The following PITPNB variants were observed in gnomAD, a reference collection of about 807,000 sequenced individuals.
PITPNB encodes phosphatidylinositol transfer protein beta isoform.
A neutral mutation model predicts 45.9 loss-of-function variants in PITPNB; 16 were observed. The ratio of observed to expected loss-of-function variants is 0.35; its 90% CI spans 0.24 to 0.53. The LOEUF (loss-of-function observed/expected upper bound fraction) is 0.53, where lower values mean the gene tolerates loss of function less well. Ranked by LOEUF, PITPNB falls within the 20% of genes least tolerant of loss-of-function variation. PITPNB has a pLI of 0.93. For missense variants in PITPNB, 188 were observed against 330.5 expected, an observed-to-expected ratio of 0.57 and a Z score of 3.34; for synonymous variants, 112 against 108.9, an observed-to-expected ratio of 1.03 and a Z score of -0.18.
At chr22:27,884,522 A>T (rs1601402625) in intron 7 of PITPNB, among the ~76,000 whole-genome samples, 1 of 152,224 alleles carries the variant, frequency 6.6e-6, no homozygotes. Flanking sequence ...AATATGGCAC[A>T]CGAGTTTCTA....
At chr22:27,912,442 C>T (rs915595384) in intron 2 of PITPNB, among the ~76,000 whole-genome samples, 1 of 152,032 alleles carries the variant, frequency 6.6e-6, no homozygotes, top group Non-Finnish European at 1.5e-5. Context: ...CCTTAAATAC[C>T]TTCAACATGT....
In PITPNB at chr22:27,889,631, C is replaced by G. The variant is rs181859046; in HGVS notation, c.456+4924G>C. Among the ~76,000 whole-genome samples the G allele has an allele frequency of 5.9e-5, 9 of 152,310 alleles. No individual in the cohort carries two copies. The East Asian group carries it at 1.7e-3, about 29-fold the overall frequency. On this transcript the variant is annotated intron_variant, in intron 7 of 11. Transcript: ENST00000335272. ...ATCTGTTCTCTTCTCTGAAATCCTA[C>G]AGCACTTTGGACCACGCTGTAAGCC...
intron 8 of PITPNB, among the ~76,000 whole-genome samples, chr22:27,870,060 G>C (rs988372505): frequency 2.0e-5 from 3 of 152,188 alleles, no homozygotes; most frequent in African/African-American, 7.2e-5. Flanking sequence ...CGGTGATCTA[G>C]GAGTCACTGG....
chr22:27,862,832 C>T (rs1178066236), intron 8 of PITPNB, among the ~76,000 whole-genome samples: 2 of 152,162 alleles, frequency 1.3e-5, no homozygotes, highest in East Asian at 1.9e-4. Context: ...ATTCTCACCC[C>T]GGAAACATCC....
At chr22:27,864,704 G>A (rs925994510) in intron 8 of PITPNB, among the ~76,000 whole-genome samples, 3 of 152,092 alleles carry the variant, frequency 2.0e-5, no homozygotes, top group African/African-American at 7.2e-5. Context: ...TTGGGAGGCC[G>A]AGGCAGGTGG....
chr22:27,900,187 AAG>A (rs1350864220), intron 3 of PITPNB, among the ~76,000 whole-genome samples: 1 of 151,636 alleles, frequency 6.6e-6, no homozygotes, highest in Non-Finnish European at 1.5e-5. Flanking sequence ...GTGACATAGC[AAG>A]ACTCTGTCTT....
At chr22:27,907,063 G>C (rs1935783779) in intron 3 of PITPNB, among the ~76,000 whole-genome samples, 1 of 152,160 alleles carries the variant, frequency 6.6e-6, no homozygotes, top group Non-Finnish European at 1.5e-5. Context: ...CCTTAGTCAA[G>C]TTTGTAGTTT....
At chr22:27,871,396 C>T (rs943685297) in intron 8 of PITPNB, among the ~76,000 whole-genome samples, 1 of 152,172 alleles carries the variant, frequency 6.6e-6, no homozygotes, top group African/African-American at 2.4e-5. Context: ...ATATTTAATT[C>T]ACCTCTGGGT....
intron 10 of PITPNB, among the ~76,000 whole-genome samples, chr22:27,855,656 A>G (rs889125021): frequency 1.4e-4 from 21 of 152,282 alleles, no homozygotes; most frequent in African/African-American, 4.3e-4. Context: ...AACAGGTAAA[A>G]TGTTTACCTA....
At chr22:27,916,579 T>A (rs1936082008) in intron 1 of PITPNB, among the ~76,000 whole-genome samples, 1 of 152,166 alleles carries the variant, frequency 6.6e-6, no homozygotes, top group Admixed American at 6.5e-5. Context: ...AGTGGGCGGA[T>A]CACCTGAGGT....
At chr22:27,867,938 A>G (rs148800048) in intron 8 of PITPNB, among the ~76,000 whole-genome samples, 104 of 152,284 alleles carry the variant, frequency 6.8e-4, no homozygotes, top group Middle Eastern at 3.4e-3. Flanking sequence ...TAATTAGTAC[A>G]TACTATGTGC....
At chr22:27,865,908 A>T (rs993923333) in intron 8 of PITPNB, among the ~76,000 whole-genome samples, 1 of 152,236 alleles carries the variant, frequency 6.6e-6, no homozygotes, top group African/African-American at 2.4e-5. Flanking sequence ...GCTAAAAAAC[A>T]ACCCCAAAGC....
At chr22:27,895,499 A>G (rs1228310628) in intron 6 of PITPNB, among the ~76,000 whole-genome samples, 1 of 152,084 alleles carries the variant, frequency 6.6e-6, no homozygotes, top group African/African-American at 2.4e-5. Context: ...CTGAGGCAGG[A>G]GAATTGCTTG....
chr22:27,913,872 T>G (rs1936004051), intron 2 of PITPNB, among the ~76,000 whole-genome samples: 1 of 152,216 alleles, frequency 6.6e-6, no homozygotes, highest in South Asian at 2.1e-4. Context: ...AGAACAGGCT[T>G]ATTTCCCATT....
intron 8 of PITPNB, among the ~76,000 whole-genome samples, chr22:27,870,884 A>G (rs1256806357): frequency 6.6e-6 from 1 of 152,246 alleles, no homozygotes; most frequent in Admixed American, 6.5e-5. Context: ...TGACTGCACT[A>G]GTTATTTCTG....
chr22:27,864,029 T>G (rs1414481672), intron 8 of PITPNB, among the ~76,000 whole-genome samples: 2 of 152,146 alleles, frequency 1.3e-5, no homozygotes, highest in African/African-American at 4.8e-5. Flanking sequence ...AATTTACAAG[T>G]AATTATTTTT....
intron 7 of PITPNB, among the ~76,000 whole-genome samples, chr22:27,885,530 T>C (rs554803962): frequency 2.6e-4 from 40 of 152,300 alleles, no homozygotes; most frequent in African/African-American, 9.6e-4. Flanking sequence ...AATTTTATTT[T>C]CTTCAGACAG....
In PITPNB at chr22:27,853,498, CAT is replaced by C. The variant is rs1330305938; in HGVS notation, c.*202_*203del. 4 of 773,916 alleles carry C rather than the reference CAT, an allele frequency of 5.2e-6. No homozygotes were observed. The African/African-American group carries it at 6.8e-5, about 13-fold the overall frequency. 47.9% of individuals were successfully genotyped at this position (773,916 alleles called of 1,614,324 possible). A position where few individuals can be genotyped will look rare whatever the true frequency, so the allele number is the denominator to read the frequency against. ...CATGCGCTTTATATACAGCTACAGA[CAT>C]ATGCACACATACATATATACACACG... On this transcript the variant is annotated 3_prime_UTR_variant, in exon 12 of 12. Transcript: ENST00000335272.
chr22:27,874,271 G>A (rs1934753682), intron 7 of PITPNB, among the ~76,000 whole-genome samples: 1 of 152,132 alleles, frequency 6.6e-6, no homozygotes, highest in South Asian at 2.1e-4. Flanking sequence ...CAGAACTATC[G>A]ATTCTGCAGC....
Sources: gnomAD v4.1 joint callset for allele counts (sites outside exome capture counted in the v4.1 genomes callset) on GRCh38, gnomAD v4.1.1 for gene constraint, MANE v1.5 for transcripts, NCBI Gene and HGNC (gene_info 2026-07-23, HGNC 2026-07-21) for gene names.